Variants in DOC2B observed in about 807,000 individuals in gnomAD.
DOC2B encodes the protein double C2-like domain-containing protein beta.
A neutral mutation model predicts 28.9 loss-of-function variants in DOC2B; 21 were observed. The observed-to-expected ratio is 0.73, with a 90% CI of 0.52 to 1.05. The LOEUF is 1.05. DOC2B is among the 50% of genes least tolerant of loss of function. DOC2B has a pLI of 0.00. For synonymous variants in DOC2B, 194 were observed against 178.1 expected (o/e 1.09, Z -0.71); for missense variants, 384 against 421.1 (o/e 0.91, Z 0.77).
At chr17:168,964 G>A (rs960200999) in intron 2 of DOC2B, among the ~76,000 whole-genome samples, 8 of 152,162 alleles carry the variant, frequency 5.3e-5, no homozygotes, top group African/African-American at 1.7e-4. Context: ...GGGAGGATGG[G>A]TGGAAGCGGC....
At chr17:153,734 A>T (rs2040098447) in intron 6 of DOC2B, among the ~76,000 whole-genome samples, 1 of 151,970 alleles carries the variant, frequency 6.6e-6, no homozygotes, top group Non-Finnish European at 1.5e-5. Flanking sequence ...TTGGCTTCAG[A>T]TTGCATATCC....
At chr17:166,487 T>G (rs917223188) in intron 2 of DOC2B, among the ~76,000 whole-genome samples, 1 of 152,224 alleles carries the variant, frequency 6.6e-6, no homozygotes, top group Non-Finnish European at 1.5e-5. Context: ...GGTGACGTGG[T>G]TTGGCGGTGT....
chr17:180,740 G>A (rs908572288), intron 1 of DOC2B, among the ~76,000 whole-genome samples: 1 of 151,786 alleles, frequency 6.6e-6, no homozygotes, highest in Non-Finnish European at 1.5e-5. Flanking sequence ...GTGTCTCCCC[G>A]GGACGCAGCT....
intron 6 of DOC2B, among the ~76,000 whole-genome samples, chr17:153,138 C>T (rs554008476): frequency 9.2e-5 from 14 of 152,260 alleles, no homozygotes; most frequent in East Asian, 7.7e-4. Context: ...GCCCACAGCT[C>T]GGCCTGTCTT....
At chr17:156,854 C>T (rs931363574) in intron 5 of DOC2B, among the ~76,000 whole-genome samples, 1 of 152,228 alleles carries the variant, frequency 6.6e-6, no homozygotes, top group African/African-American at 2.4e-5. Context: ...GCTGGGATTA[C>T]AGACATGAGC....
Position 147,490 on chromosome 17 carries a change from C to A in DOC2B, c.1190G>T (p.Arg397Leu). The A allele has an allele frequency of 2.5e-6, 1 of 398,776 alleles. No individual in the cohort carries two copies. Among genetic ancestry groups the A allele is most frequent in the Non-Finnish European group, 4.4e-6 (1 of 226,166 alleles). 24.7% of individuals were successfully genotyped at this position (398,776 alleles called of 1,614,324 possible). ...CLKNKDKRIE[R>L]WHTLTSELPG... ...GAGCTCGCTGGTGAGCGTGTGCCAG[C>A]GCTCGATGCGCTTGTCCTTGTTCTT... Residue 397 changes from arginine (R) to leucine (L), a missense_variant, in exon 9 of 9, where the codon CGC (arginine) becomes CTC (leucine). Arg to Leu is a moderately radical substitution (Grantham distance 102, BLOSUM62 -2). Coordinates refer to ENST00000613549, the MANE Select transcript of DOC2B (RefSeq NM_003585.5).
rs138704041 is a variant in DOC2B, at chr17:166,279, C to T, written c.454-2075G>A. 4.2e-3 allele frequency among the ~76,000 whole-genome samples: 634 copies of T among 152,370 alleles called. 7 individuals are homozygous for T. Among genetic ancestry groups the T allele is most frequent in the Non-Finnish European group, 6.4e-3 (434 of 68,036 alleles). On this transcript the variant is annotated intron_variant, in intron 2 of 8. Coordinates refer to ENST00000613549, the MANE Select transcript of DOC2B (RefSeq NM_003585.5). ...ACAGGCAGCTTCCCTGGTCCTGACC[C>T]GGGGTTCCGCCAGTGCCTCCACCTT...
At chr17:163,382 G>T (rs1597826413) in intron 3 of DOC2B, among the ~76,000 whole-genome samples, 1 of 152,258 alleles carries the variant, frequency 6.6e-6, no homozygotes, top group Middle Eastern at 3.4e-3. Context: ...GGCCCCTTCT[G>T]GGGTGGTCCT....
Position 181,025 on chromosome 17 carries a change from G to A in DOC2B, c.373+82C>T. The A allele has an allele frequency of 1.8e-6, 2 of 1,138,160 alleles. No homozygotes were observed. The highest frequency in any genetic ancestry group is 8.7e-5 in the South Asian group (2 of 22,942). The allele number at this position is 1,138,160 out of a possible 1,614,324, so 70.5% of individuals were successfully genotyped here. On this transcript the variant is annotated intron_variant, in intron 1 of 8. Transcript: ENST00000613549. The surrounding 1 kb of genome is among the most constrained non-coding windows in gnomAD (Gnocchi z 7.0). ...AGAGCGCGAGCGCGCGAGGGGGACC[G>A]GCGGAGGGAAGCCGCGAGGCCGTGG... is the stretch of plus-strand genomic sequence containing the variant.
chr17:156,118 C>A (rs971529272), intron 6 of DOC2B, 102 bp downstream of exon 6: 364 of 1,336,418 alleles, frequency 2.7e-4, no homozygotes, highest in Non-Finnish European at 3.6e-4. Context: ...GTACCTCAGG[C>A]ACTCCCTGGG....
At position 162,162 on chromosome 17, in the gene DOC2B, C is replaced by T. The variant is rs866148478; in HGVS notation, c.557G>A (p.Arg186His). ...KANKLRTKTL[R>H]NTLNPTWNET... ...GTTCCATGTGGGGTTCAGAGTGTTA[C>T]GGAGAGTTTTTGTTCTGAGCTTATT... The change falls in exon 4 of 9, where the codon CGT becomes CAT. Residue 186 changes from arginine to histidine, a missense_variant. Physicochemically the swap from Arg to His is conservative, Grantham distance 29. Transcript: ENST00000613549. 37 of 1,551,686 alleles carry T rather than the reference C, an allele frequency of 2.4e-5. No homozygotes were observed. Among genetic ancestry groups the T allele is most frequent in the East Asian group, 1.7e-4 (7 of 40,924 alleles).
At chr17:156,869 G>T (rs149208451) in intron 5 of DOC2B, among the ~76,000 whole-genome samples, 1 of 152,192 alleles carries the variant, frequency 6.6e-6, no homozygotes, top group Non-Finnish European at 1.5e-5. Flanking sequence ...ATGAGCCACC[G>T]TGCCCAGCTG....
intron 2 of DOC2B, among the ~76,000 whole-genome samples, chr17:170,081 C>A (rs35656189): frequency 3.3e-5 from 5 of 152,170 alleles, no homozygotes; most frequent in Admixed American, 3.3e-4. Flanking sequence ...CCAGAGTGGC[C>A]TGGCAGCCGG....
intron 6 of DOC2B, among the ~76,000 whole-genome samples, chr17:150,444 A>G (rs1597814345): frequency 1.3e-5 from 2 of 152,020 alleles, no homozygotes. Context: ...CCGCCCAAAG[A>G]CACGCCCATG....
chr17:152,685 C>A (rs986044375), intron 6 of DOC2B, among the ~76,000 whole-genome samples: 1 of 152,138 alleles, frequency 6.6e-6, no homozygotes, highest in Non-Finnish European at 1.5e-5. Context: ...GGGGGAAGGA[C>A]TGCTTGAGCC....
chr17:179,817 G>A (rs1488368488), intron 1 of DOC2B, among the ~76,000 whole-genome samples: 3 of 152,288 alleles, frequency 2.0e-5, no homozygotes, highest in Non-Finnish European at 2.9e-5. Context: ...GCGCTGGCCC[G>A]AGGGCCGTGG....
At position 145,934 on chromosome 17, in the gene DOC2B, A is replaced by G. The variant is rs2040015220; in HGVS notation, c.*1507T>C. 6.6e-6 allele frequency: 1 copy of G among 152,326 alleles called. No homozygotes were observed. The highest frequency in any genetic ancestry group is 6.5e-5 in the Admixed American group (1 of 15,290). The allele number at this position is 152,326 out of a possible 1,614,324, so 9.4% of individuals were successfully genotyped here. A position where few individuals can be genotyped will look rare whatever the true frequency, so the allele number is the denominator to read the frequency against. On this transcript the variant is annotated 3_prime_UTR_variant, in exon 9 of 9. Transcript: ENST00000613549. Reference sequence around the variant, plus strand: ...CATCACACACTGATGGGCTGAGCACACTGGGACTCTGGCTGTGCAACTCCT... The same window carrying G: ...CATCACACACTGATGGGCTGAGCACGCTGGGACTCTGGCTGTGCAACTCCT...
At chr17:161,573 G>C in intron 4 of DOC2B, 32 bp from the exon 5 acceptor site, 1 of 1,551,240 alleles carries the variant, frequency 6.4e-7, no homozygotes, top group Non-Finnish European at 8.7e-7. Context: ...GGCACAGCCA[G>C]TGCCTCAGAC....
chr17:152,833 C>T (rs2040086780), intron 6 of DOC2B, among the ~76,000 whole-genome samples: 2 of 152,176 alleles, frequency 1.3e-5, no homozygotes, highest in Admixed American at 1.3e-4. Context: ...AAGGCCTTGA[C>T]CCATCTAGCT....
Sources: allele counts gnomAD v4.1 joint callset (sites outside exome capture counted in the v4.1 genomes callset), GRCh38; gene constraint gnomAD v4.1.1; non-coding constraint Gnocchi (gnomAD v3.1); transcripts MANE v1.5; gene names NCBI Gene and HGNC (gene_info 2026-07-23, HGNC 2026-07-21).